USH2A: variants seen among roughly 807,000 people sequenced by gnomAD.
USH2A encodes Usher syndrome 2A (autosomal recessive, mild).
Under a neutral mutation model 538.9 loss-of-function variants are expected in USH2A, and 443 were observed. That is an observed-to-expected ratio of 0.82 (90% CI 0.76 to 0.89). The LOEUF (loss-of-function observed/expected upper bound fraction) is 0.89, where lower values mean the gene tolerates loss of function less well. USH2A is among the 40% of genes least tolerant of loss of function. The probability of loss-of-function intolerance (pLI) is 0.00; values close to 1 mark genes in which losing one functional copy is unlikely to be tolerated. For synonymous variants in USH2A, 2,413 were observed against 2,273.5 expected (o/e 1.06, Z -1.75); for missense variants, 6,633 against 6,324.8 (o/e 1.05, Z -1.65).
At chr1:216,395,718 A>C (rs2039199994) in intron 3 of USH2A, among the ~76,000 whole-genome samples, 1 of 152,196 alleles carries the variant, frequency 6.6e-6, no homozygotes, top group Non-Finnish European at 1.5e-5. Context: ...GACTATTGCA[A>C]GACAGGACGG....
chr1:215,671,125 C>T lies in USH2A; in HGVS notation c.13980G>A (p.Pro4660=), dbSNP rs201127899. 10 of 1,614,086 alleles carry T rather than the reference C, an allele frequency of 6.2e-6. No individual in the cohort carries two copies. Among genetic ancestry groups the T allele is most frequent in the African/African-American group, 2.7e-5 (2 of 75,012 alleles). Residue 4660 remains proline (P), a synonymous_variant, in exon 64 of 72, where the codon CCG becomes CCA. Coordinates refer to ENST00000307340, the MANE Select transcript of USH2A (RefSeq NM_206933.4). ...QPTVSLLWTG[P]LQPNGKVLYY... is the part of the protein sequence containing the mutation. ...ACAAAACTTTTCCATTTGGCTGCAG[C>T]GGTCCTGTCCACAAAAGAGAAACAG...
At chr1:215,786,604 T>A (rs1000497687) in intron 52 of USH2A, 66 bp downstream of exon 52, 2 of 1,549,658 alleles carry the variant, frequency 1.3e-6, no homozygotes, top group African/African-American at 1.4e-5. Context: ...GTGAAATAAA[T>A]CTGCATTTTC....
At position 215,660,207 on chromosome 1, in the gene USH2A, A is replaced by G. The variant is rs367720757; in HGVS notation, c.14134-9406T>C. On this transcript the variant is annotated intron_variant, in intron 64 of 71. Coordinates refer to ENST00000307340, the MANE Select transcript of USH2A (RefSeq NM_206933.4). ...CTTGGGCATGGTATCTAATTTTTCA[A>G]TGCTTCATGTTTCTCACCTGTAAAA... Among the ~76,000 whole-genome samples, 16 of 152,290 alleles carry G rather than the reference A, an allele frequency of 1.1e-4. 2 individuals carry two copies. The highest frequency in any genetic ancestry group is 3.4e-4 in the African/African-American group (14 of 41,560).
At chr1:215,946,849 A>G (rs1055516405) in intron 37 of USH2A, among the ~76,000 whole-genome samples, 5 of 152,308 alleles carry the variant, frequency 3.3e-5, no homozygotes, top group East Asian at 3.9e-4. Flanking sequence ...TACTTTCTCA[A>G]CTGAAAACTT....
chr1:215,862,851 A>G (rs1347623873), intron 44 of USH2A, among the ~76,000 whole-genome samples: 1 of 152,174 alleles, frequency 6.6e-6, no homozygotes, highest in Non-Finnish European at 1.5e-5. Context: ...GCCAAAACAT[A>G]TTGGAACTGG....
chr1:216,352,266 A>G (rs2038301615), intron 4 of USH2A, among the ~76,000 whole-genome samples: 1 of 152,124 alleles, frequency 6.6e-6, no homozygotes, highest in African/African-American at 2.4e-5. Flanking sequence ...GAGGTCAAGT[A>G]GATGAAGAGG....
chr1:216,175,312 T>C lies in USH2A; in HGVS notation c.4567A>G (p.Ile1523Val), dbSNP rs996597226. ...MTTMMKGIRF[I>V]GNGYCKFPSS... ...GGAAATTTACAATACCCATTTCCTA[T>C]GAAACGGATTCCTTTCATCATCGTG... Residue 1523 changes from isoleucine (I) to valine (V), a missense_variant, in exon 21 of 72, where the codon ATA (isoleucine) becomes GTA (valine). Coordinates refer to ENST00000307340, the MANE Select transcript of USH2A (RefSeq NM_206933.4). 1.9e-6 allele frequency: 3 copies of C among 1,613,842 alleles called. No individual in the cohort carries two copies. Among genetic ancestry groups the C allele is most frequent in the South Asian group, 2.2e-5 (2 of 91,088 alleles).
chr1:216,303,809 G>T (rs1324242977), intron 9 of USH2A, among the ~76,000 whole-genome samples: 1 of 151,876 alleles, frequency 6.6e-6, no homozygotes, highest in Non-Finnish European at 1.5e-5. Context: ...CTGTAATCAA[G>T]ACATAATGGC....
chr1:216,098,058 C>G (rs555165770), intron 21 of USH2A, among the ~76,000 whole-genome samples: 1 of 150,338 alleles, frequency 6.7e-6, no homozygotes, highest in South Asian at 2.1e-4. Flanking sequence ...TGATGCCTTC[C>G]CCCTACCGTT....
intron 3 of USH2A, among the ~76,000 whole-genome samples, chr1:216,388,458 T>G (rs1482525622): frequency 6.6e-6 from 1 of 152,188 alleles, no homozygotes; most frequent in East Asian, 1.9e-4. Context: ...TTTGGTAGGT[T>G]TTTTTAAAGA....
intron 11 of USH2A, among the ~76,000 whole-genome samples, chr1:216,282,618 T>A (rs1452966729): frequency 1.3e-5 from 2 of 152,230 alleles, no homozygotes; most frequent in Non-Finnish European, 2.9e-5. Flanking sequence ...AGTACCATGC[T>A]GTCTTGATTA....
intron 32 of USH2A, among the ~76,000 whole-genome samples, chr1:216,028,672 T>C (rs900832183): frequency 6.6e-6 from 1 of 152,030 alleles, no homozygotes; most frequent in African/African-American, 2.4e-5. Context: ...ATAACTGTCA[T>C]ATAGAGTGCA....
chr1:216,204,162 A>G (rs1282619117), intron 16 of USH2A: 2 of 152,682 alleles, frequency 1.3e-5, no homozygotes, highest in Non-Finnish European at 2.9e-5. Flanking sequence ...AAAAAACAGT[A>G]TGAGTTACTG....
intron 60 of USH2A, among the ~76,000 whole-genome samples, chr1:215,733,656 A>G (rs977263453): frequency 1.3e-5 from 2 of 152,254 alleles, no homozygotes; most frequent in Admixed American, 1.3e-4. Flanking sequence ...TTGGGTAAAC[A>G]TTCTCATTGC....
chr1:216,350,134 T>A (rs2038253885), intron 4 of USH2A, among the ~76,000 whole-genome samples: 1 of 152,030 alleles, frequency 6.6e-6, no homozygotes. Flanking sequence ...AATAACCAGA[T>A]CTTGTGATAA....
chr1:215,653,947 T>C (rs1418351446), intron 64 of USH2A, among the ~76,000 whole-genome samples: 1 of 152,212 alleles, frequency 6.6e-6, no homozygotes, highest in Non-Finnish European at 1.5e-5. Flanking sequence ...AATGAACCCA[T>C]ATAAAAATCA....
intron 10 of USH2A, among the ~76,000 whole-genome samples, chr1:216,290,129 A>G (rs2036973714): frequency 6.6e-6 from 1 of 152,172 alleles, no homozygotes; most frequent in South Asian, 2.1e-4. Flanking sequence ...GAACGTGACT[A>G]GTGTATAAGA....
intron 58 of USH2A, 132 bp downstream of exon 58, chr1:215,758,463 T>C: frequency 1.8e-6 from 2 of 1,130,180 alleles, no homozygotes; most frequent in East Asian, 2.5e-5. Context: ...GGTTTAGATT[T>C]TTCTGTTCAT....
At chr1:216,388,684 C>A (rs2039049256) in intron 3 of USH2A, among the ~76,000 whole-genome samples, 1 of 152,184 alleles carries the variant, frequency 6.6e-6, no homozygotes, top group Non-Finnish European at 1.5e-5. Flanking sequence ...GCAGTGTTAA[C>A]AGAGAAAAAT....
Sources: gnomAD v4.1 joint callset for allele counts (sites outside exome capture counted in the v4.1 genomes callset) on GRCh38, gnomAD v4.1.1 for gene constraint, MANE v1.5 for transcripts, NCBI Gene and HGNC (gene_info 2026-07-23, HGNC 2026-07-21) for gene names.